Variants in RABGEF1 observed in about 807,000 individuals in gnomAD.
RABGEF1 encodes RAB guanine nucleotide exchange factor 1.
RABGEF1 carries 26 observed loss-of-function variants against 57.3 expected under a neutral mutation model. The ratio of observed to expected loss-of-function variants is 0.45; its 90% CI spans 0.33 to 0.63. The LOEUF (loss-of-function observed/expected upper bound fraction) is 0.63, where lower values mean the gene tolerates loss of function less well. RABGEF1 is among the 20% of genes least tolerant of loss of function. The probability of loss-of-function intolerance (pLI) is 0.02; values close to 1 mark genes in which losing one functional copy is unlikely to be tolerated. For synonymous variants in RABGEF1, 185 were observed against 210.7 expected (o/e 0.88, Z 1.06); for missense variants, 464 against 607.6 (o/e 0.76, Z 2.48).
intron 1 of RABGEF1, among the ~76,000 whole-genome samples, chr7:66,764,798 C>G (rs1286877544): frequency 1.3e-5 from 2 of 152,192 alleles, no homozygotes; most frequent in Non-Finnish European, 2.9e-5. Flanking sequence ...TCTGGAATCT[C>G]AATTCTATTC....
intron 5 of RABGEF1, among the ~76,000 whole-genome samples, chr7:66,796,468 G>A (rs1785948517): frequency 6.6e-6 from 1 of 152,188 alleles, no homozygotes; most frequent in South Asian, 2.1e-4. Context: ...GACAGGGAGT[G>A]ACCTTGCTGA....
In RABGEF1 at chr7:66,712,659, A is replaced by G. The variant is rs117981871; in HGVS notation, c.-815+435A>G. On this transcript the variant is annotated intron_variant and NMD_transcript_variant, in intron 2 of 9. Transcript: ENST00000607882. Reference sequence around the variant, plus strand: ...CCAATTTTTTGTATCGTTGGTAGAGACAGGGTTTCACCATGTTACCCAGAT... The same window carrying G: ...CCAATTTTTTGTATCGTTGGTAGAGGCAGGGTTTCACCATGTTACCCAGAT... Among the ~76,000 whole-genome samples, 621 of 152,006 alleles carry G rather than the reference A, an allele frequency of 4.1e-3. 3 individuals carry two copies. The highest frequency in any genetic ancestry group is 6.0e-3 in the Admixed American group (91 of 15,232).
At chr7:66,664,540 G>A in the RABGEF1 span, among the ~76,000 whole-genome samples, 1 of 151,988 alleles carries the variant, frequency 6.6e-6, no homozygotes, top group South Asian at 2.1e-4. Context: ...GGAGGTTGAG[G>A]CTGCAGTGAG....
chr7:66,670,388 T>A, the RABGEF1 span, among the ~76,000 whole-genome samples: 1 of 150,266 alleles, frequency 6.7e-6, no homozygotes, highest in Non-Finnish European at 1.5e-5. Flanking sequence ...GAAGAGGAGA[T>A]GACATATTGA....
intron 2 of RABGEF1, among the ~76,000 whole-genome samples, chr7:66,722,453 C>CA (rs898396792): frequency 3.3e-5 from 5 of 151,750 alleles, no homozygotes; most frequent in Admixed American, 1.3e-4. Flanking sequence ...AACAAAAAGA[C>CA]AAAAAAACCC....
chr7:66,774,830 G>T (rs1349021220), intron 2 of RABGEF1, among the ~76,000 whole-genome samples: 1 of 152,076 alleles, frequency 6.6e-6, no homozygotes, highest in South Asian at 2.1e-4. Context: ...GTAAAGCCTC[G>T]TCAGACTCCC....
At chr7:66,759,148 T>A (rs908458204) in intron 1 of RABGEF1, among the ~76,000 whole-genome samples, 1 of 152,244 alleles carries the variant, frequency 6.6e-6, no homozygotes, top group Non-Finnish European at 1.5e-5. Context: ...ACTTCCCTTA[T>A]GACTCTGTAG....
intron 1 of RABGEF1, chr7:66,756,083 T>G: frequency 2.1e-6 from 3 of 1,456,628 alleles, no homozygotes; most frequent in Non-Finnish European, 2.7e-6. Flanking sequence ...TGAAGGTGAG[T>G]ACTGAAAGAT....
chr7:66,797,711 T>C (rs1786319660), intron 6 of RABGEF1, among the ~76,000 whole-genome samples: 1 of 152,212 alleles, frequency 6.6e-6, no homozygotes, highest in Non-Finnish European at 1.5e-5. Context: ...AGGCAGCTTT[T>C]GGTAAGAGTT....
At chr7:66,717,781 A>C (rs1795574281) in intron 2 of RABGEF1, among the ~76,000 whole-genome samples, 1 of 151,588 alleles carries the variant, frequency 6.6e-6, no homozygotes, top group Non-Finnish European at 1.5e-5. Context: ...GCTGGTCTCA[A>C]ATTCCTGGGC....
chr7:66,755,621 G>A (rs1233924115), intron 1 of RABGEF1, among the ~76,000 whole-genome samples: 4 of 152,350 alleles, frequency 2.6e-5, no homozygotes, highest in Admixed American at 6.5e-5. Flanking sequence ...GACCATTTGT[G>A]CTGCTTCCCT....
chr7:66,739,248 CCTTA>C (rs1798437366), upstream of RABGEF1, among the ~76,000 whole-genome samples: 1 of 151,854 alleles, frequency 6.6e-6, no homozygotes, highest in Admixed American at 6.6e-5. Flanking sequence ...CTGCGCCTGG[CCTTA>C]CTTTTGTTTT....
intron 1 of RABGEF1, among the ~76,000 whole-genome samples, chr7:66,744,636 C>G (rs1799782107): frequency 6.7e-6 from 1 of 148,684 alleles, no homozygotes; most frequent in Admixed American, 6.7e-5. Context: ...CCACTGCACT[C>G]CAGCCTGGGC....
chr7:66,661,501 G>A, the RABGEF1 span, among the ~76,000 whole-genome samples: 30 of 151,352 alleles, frequency 2.0e-4, no homozygotes, highest in Non-Finnish European at 4.0e-4. Context: ...GTGGCTCCCA[G>A]CTGTAATCCC....
chr7:66,669,341 C>T, the RABGEF1 span: 1 of 152,378 alleles, frequency 6.6e-6, no homozygotes, highest in Non-Finnish European at 1.5e-5. Context: ...CCAGCCCTGC[C>T]CACCCCACAG....
chr7:66,762,795 G>A (rs1804766384), intron 1 of RABGEF1, among the ~76,000 whole-genome samples: 1 of 152,112 alleles, frequency 6.6e-6, no homozygotes, highest in South Asian at 2.1e-4. Context: ...ATGAGGGTTG[G>A]GTAGGCTGGG....
chr7:66,793,833 T>C (rs932546311), intron 4 of RABGEF1, among the ~76,000 whole-genome samples: 2 of 152,162 alleles, frequency 1.3e-5, no homozygotes, highest in Non-Finnish European at 2.9e-5. Context: ...AGCCAGATGG[T>C]CAGACTGCTG....
chr7:66,748,199 C>CT (rs1800671216), intron 1 of RABGEF1, among the ~76,000 whole-genome samples: 2 of 152,284 alleles, frequency 1.3e-5, no homozygotes, highest in Non-Finnish European at 2.9e-5. Context: ...TCCTTATTGG[C>CT]TTTTTGTGTA....
chr7:66,708,302 T>C (rs1794365919), intron 1 of RABGEF1, among the ~76,000 whole-genome samples: 1 of 152,048 alleles, frequency 6.6e-6, no homozygotes, highest in African/African-American at 2.4e-5. Context: ...ATTTTTTCTT[T>C]TGAGACAGGG....
Sources: gnomAD v4.1 joint callset for allele counts (sites outside exome capture counted in the v4.1 genomes callset) on GRCh38, gnomAD v4.1.1 for gene constraint, MANE v1.5 for transcripts, NCBI Gene and HGNC (gene_info 2026-07-23, HGNC 2026-07-21) for gene names.